Variants in ITGA4 observed in about 807,000 individuals in gnomAD.
ITGA4 encodes the protein integrin alpha-4.
ITGA4 carries 63 observed loss-of-function variants against 133.6 expected under a neutral mutation model. That is an observed-to-expected ratio of 0.47 (90% CI 0.38 to 0.58). The LOEUF (loss-of-function observed/expected upper bound fraction) is 0.58, where lower values mean the gene tolerates loss of function less well. ITGA4 is among the 20% of genes least tolerant of loss of function. The pLI is 0.00. For missense variants in ITGA4, 1,076 were observed against 1,252.7 expected, an observed-to-expected ratio of 0.86 and a Z score of 2.13; for synonymous variants, 483 against 438.0, an observed-to-expected ratio of 1.10 and a Z score of -1.28.
intron 7 of ITGA4, among the ~76,000 whole-genome samples, chr2:181,482,075 C>T (rs1685817251): frequency 1.3e-5 from 2 of 152,028 alleles, no homozygotes; most frequent in South Asian, 4.1e-4. Context: ...CATTGGTCAC[C>T]CAGCTTTTCT....
intron 15 of ITGA4, among the ~76,000 whole-genome samples, chr2:181,499,800 T>C (rs1686232877): frequency 6.6e-6 from 1 of 152,212 alleles, no homozygotes; most frequent in Admixed American, 6.5e-5. Context: ...AGATGTCGTT[T>C]TACTTACCTT....
chr2:181,535,611 G>GAAA lies in ITGA4; in HGVS notation c.*86_*87insAAA. On this transcript the variant is annotated 3_prime_UTR_variant, in exon 28 of 28. Transcript: ENST00000397033. Reference sequence around the variant, plus strand: ...AAAGACACTGTTTACAAGAAAAAATGAATTTTGTTTGGACTTCTTTTACTC... The same window carrying GAAA: ...AAAGACACTGTTTACAAGAAAAAATGAAAAATTTTGTTTGGACTTCTTTTACTC... 1 of 1,477,054 alleles carries GAAA rather than the reference G, an allele frequency of 6.8e-7. No individual in the cohort carries two copies. The highest frequency in any genetic ancestry group is 9.0e-7 in the Non-Finnish European group (1 of 1,111,354). 91.5% of individuals were successfully genotyped at this position (1,477,054 alleles called of 1,614,324 possible).
At position 181,536,269 on chromosome 2, in the gene ITGA4, CATTCTTCCTATCT is replaced by C. The variant is rs750615910; in HGVS notation, c.*754_*766del. 42 of 151,916 alleles carry C rather than the reference CATTCTTCCTATCT, an allele frequency of 2.8e-4. No individual in the cohort carries two copies. The highest frequency in any genetic ancestry group is 3.4e-3 in the Middle Eastern group (1 of 294). 9.4% of individuals were successfully genotyped at this position (151,916 alleles called of 1,614,324 possible). A position where few individuals can be genotyped will look rare whatever the true frequency, so the allele number is the denominator to read the frequency against. ...TGTTTTTATGTAGGTATATATTTAC[CATTCTTCCTATCT>C]ATTCTTCCTATAACACACCTTTATC... On this transcript the variant is annotated 3_prime_UTR_variant, in exon 28 of 28. Transcript: ENST00000397033.
At position 181,493,489 on chromosome 2, in the gene ITGA4, T is replaced by C. The variant is rs577858655; in HGVS notation, c.1248+70T>C. ...ATATCCTTAAAACTTCCAGGGTTTA[T>C]GTGGACTTATTTTTCTTAATTTTCT... On this transcript the variant is annotated intron_variant, in intron 11 of 27. Transcript: ENST00000397033. 9.8e-5 allele frequency: 85 copies of C among 866,882 alleles called. 2 individuals are homozygous for C. In the South Asian group the frequency reaches 1.4e-3, roughly 14 times the overall value. The allele number at this position is 866,882 out of a possible 1,614,324, so 53.7% of individuals were successfully genotyped here.
chr2:181,512,260 G>T (rs1455353915), intron 17 of ITGA4, among the ~76,000 whole-genome samples: 1 of 152,050 alleles, frequency 6.6e-6, no homozygotes, highest in Non-Finnish European at 1.5e-5. Flanking sequence ...ATCATAGAAG[G>T]CAAGTGAAAG....
chr2:181,536,543 C>CTTTACAAGTATAAAAGTG lies in ITGA4; in HGVS notation c.*1029_*1030insAAGTGTTTACAAGTATAA, dbSNP rs1687099219. On this transcript the variant is annotated 3_prime_UTR_variant, in exon 28 of 28. Transcript: ENST00000397033. ...TCCTTGGATGTAATTCTTTGTTACC[C>CTTTACAAGTATAAAAGTG]TTTACAAGTATAAGTGTTACCTTAC... The CTTTACAAGTATAAAAGTG allele has an allele frequency of 6.4e-6, 1 of 156,600 alleles. No homozygotes were observed. Among genetic ancestry groups the CTTTACAAGTATAAAAGTG allele is most frequent in the Non-Finnish European group, 1.4e-5 (1 of 71,338 alleles). The allele number at this position is 156,600 out of a possible 1,614,324, so 9.7% of individuals were successfully genotyped here.
At chr2:181,503,378 A>G (rs1335586037) in intron 15 of ITGA4, among the ~76,000 whole-genome samples, 1 of 152,034 alleles carries the variant, frequency 6.6e-6, no homozygotes, top group Non-Finnish European at 1.5e-5. Context: ...ATAAGGATCT[A>G]TATCACTGGC....
Position 181,516,129 on chromosome 2 carries a change from A to G in ITGA4, c.1922+4354A>G, listed in dbSNP as rs1400614060. ...ACGACTTCAAGATTACAAATATAAT[A>G]GAAGGTATTAGCCATCACATAGGGA... On this transcript the variant is annotated intron_variant, in intron 17 of 27. Transcript: ENST00000397033. The surrounding 1 kb of genome is among the most constrained non-coding windows in gnomAD (Gnocchi z 4.0). 6.6e-6 allele frequency among the ~76,000 whole-genome samples: 1 copy of G among 152,092 alleles called. No homozygotes were observed. The highest frequency in any genetic ancestry group is 1.9e-4 in the East Asian group (1 of 5,174).
At chr2:181,534,141 G>A in intron 25 of ITGA4, 131 bp from the exon 26 acceptor site, 1 of 601,488 alleles carries the variant, frequency 1.7e-6, no homozygotes, top group Non-Finnish European at 3.0e-6. Flanking sequence ...AGGCACTGCA[G>A]TTAATTTTAA....
At chr2:181,459,851 T>C (rs1019712259) in intron 2 of ITGA4, among the ~76,000 whole-genome samples, 21 of 152,238 alleles carry the variant, frequency 1.4e-4, no homozygotes, top group African/African-American at 5.1e-4. Flanking sequence ...TAACTACTGA[T>C]ATTTAGTGCC....
chr2:181,530,834 A>G lies in ITGA4; in HGVS notation c.2664+185A>G, dbSNP rs940907311. On this transcript the variant is annotated intron_variant, in intron 24 of 27. Coordinates refer to ENST00000397033, the MANE Select transcript of ITGA4 (RefSeq NM_000885.6). ...GAGATAGACCCAGGGTCTATCCCATATATAAACATGTTGGCCGGGTGTGAT... is the reference window on the plus strand; with the variant it reads ...GAGATAGACCCAGGGTCTATCCCATGTATAAACATGTTGGCCGGGTGTGAT... Among the ~76,000 whole-genome samples the G allele has an allele frequency of 5.3e-5, 8 of 152,196 alleles. No individual in the cohort carries two copies. The South Asian group carries it at 1.4e-3, about 28-fold the overall frequency.
In ITGA4 at chr2:181,495,357, T is replaced by C; in HGVS notation, c.1340-14T>C. 6.2e-7 allele frequency: 1 copy of C among 1,602,852 alleles called. No homozygotes were observed. The highest frequency in any genetic ancestry group is 8.5e-7 in the Non-Finnish European group (1 of 1,169,912). ...AATGATGATCATTAATCTGTGTTGT[T>C]TTTTATCCTCCAGATGTAGCAGTTG... On this transcript the variant is annotated splice_polypyrimidine_tract_variant and intron_variant, in intron 12 of 27. Transcript: ENST00000397033. The surrounding 1 kb of genome is among the most constrained non-coding windows in gnomAD (Gnocchi z 4.3).
intron 15 of ITGA4, among the ~76,000 whole-genome samples, chr2:181,509,055 T>TC (rs1402554396): frequency 7.0e-6 from 1 of 143,456 alleles, no homozygotes; most frequent in Non-Finnish European, 1.5e-5. Context: ...AGCAGAAGGA[T>TC]CGCTTGAGCC....
At position 181,537,655 on chromosome 2, in the gene ITGA4, C is replaced by A. The variant is rs201111566; in HGVS notation, c.*2128C>A. ...TCAAATCCTGAAAAATGAAAGAATC[C>A]AAATTATTTCAGAATTATCTAGGTT... On this transcript the variant is annotated 3_prime_UTR_variant, in exon 28 of 28. Coordinates refer to ENST00000397033, the MANE Select transcript of ITGA4 (RefSeq NM_000885.6). 5 of 433,386 alleles carry A rather than the reference C, an allele frequency of 1.2e-5. No homozygotes were observed. The highest frequency in any genetic ancestry group is 1.0e-4 in the African/African-American group (5 of 48,616). 26.8% of individuals were successfully genotyped at this position (433,386 alleles called of 1,614,324 possible). A position where few individuals can be genotyped will look rare whatever the true frequency, so the allele number is the denominator to read the frequency against.
At chr2:181,487,051 A>C (rs969876910) in intron 10 of ITGA4, among the ~76,000 whole-genome samples, 5 of 152,246 alleles carry the variant, frequency 3.3e-5, no homozygotes, top group African/African-American at 1.2e-4. Flanking sequence ...TCTTAAACGT[A>C]AAATAGTGTA....
chr2:181,487,119 GA>G (rs1252694643), intron 10 of ITGA4, among the ~76,000 whole-genome samples: 9 of 151,862 alleles, frequency 5.9e-5, no homozygotes, highest in African/African-American at 1.7e-4. Context: ...AAAACTGAAA[GA>G]AAAAAATAGG....
chr2:181,511,753 T>A lies in ITGA4; in HGVS notation c.1900T>A (p.Ser634Thr), dbSNP rs35322532. ...AAATTGTTCTGCTGATTTACAGGTT[T>A]CTGCAAAGATTGGGTTTTTGAAGTA... ...HENCSADLQV[S>T]AKIGFLKPHE... Residue 634 changes from serine (S) to threonine (T), a missense_variant, in exon 17 of 28, where the codon TCT (serine) becomes ACT (threonine). By Grantham distance (58) the Ser-to-Thr change is moderately conservative (BLOSUM62 1). Around this residue, in one of 4 missense-constraint regions of ITGA4, gnomAD observed 365 missense variants for 421.4 expected, o/e 0.87. Transcript: ENST00000397033. 3.9e-3 allele frequency: 6,190 copies of A among 1,587,650 alleles called. 167 individuals carry two copies. In the African/African-American group the frequency reaches 0.064, roughly 16 times the overall value.
In ITGA4 at chr2:181,537,946, G is replaced by A. The variant is rs933980816; in HGVS notation, c.*2419G>A. The A allele has an allele frequency of 4.8e-6, 3 of 621,048 alleles. No individual in the cohort carries two copies. The highest frequency in any genetic ancestry group is 3.6e-5 in the African/African-American group (2 of 55,266). The allele number at this position is 621,048 out of a possible 1,614,324, so 38.5% of individuals were successfully genotyped here. On this transcript the variant is annotated 3_prime_UTR_variant, in exon 28 of 28. Transcript: ENST00000397033. ...AGCAGCATTAGATTCTCATAGAAGT[G>A]CGAACCATATGGTGAACTGGTATGT... is the stretch of plus-strand genomic sequence containing the variant.
Position 181,523,342 on chromosome 2 carries a change from G to A in ITGA4, c.2074-95G>A. 1 of 708,810 alleles carries A rather than the reference G, an allele frequency of 1.4e-6. No individual in the cohort carries two copies. The highest frequency in any genetic ancestry group is 2.5e-6 in the Non-Finnish European group (1 of 398,764). The allele number at this position is 708,810 out of a possible 1,614,324, so 43.9% of individuals were successfully genotyped here. ...TTTTCCTAGAAAAGCAAATACTTCT[G>A]GGATGATATTCTTTTCAATAACCAT... On this transcript the variant is annotated intron_variant, in intron 18 of 27. Transcript: ENST00000397033. This position sits in a 1 kb window ranked among gnomAD's most constrained non-coding sequence, Gnocchi z 4.2.
Sources: gnomAD v4.1 joint callset for allele counts (sites outside exome capture counted in the v4.1 genomes callset) on GRCh38, gnomAD v4.1.1 for gene constraint, gnomAD v4.1.1 regional missense constraint, Gnocchi (gnomAD v3.1) non-coding constraint, MANE v1.5 for transcripts, NCBI Gene and HGNC (gene_info 2026-07-23, HGNC 2026-07-21) for gene names.